Variants in KIF16B observed in about 807,000 individuals in gnomAD.
The protein encoded by KIF16B is kinesin-like protein KIF16B.
A neutral mutation model predicts 156.3 loss-of-function variants in KIF16B; 98 were observed. That is an observed-to-expected ratio of 0.63 (90% CI 0.53 to 0.74). The LOEUF is 0.74. Among genes scored for constraint, KIF16B ranks in the 30% least tolerant of loss-of-function variants. KIF16B has a pLI of 0.00. For missense variants in KIF16B, 1,421 were observed against 1,606.5 expected (o/e 0.88, Z 1.97); for synonymous variants, 564 against 583.7 (o/e 0.97, Z 0.49).
intron 15 of KIF16B, among the ~76,000 whole-genome samples, chr20:16,422,415 C>T (rs1033709053): frequency 2.0e-5 from 3 of 152,056 alleles, no homozygotes; most frequent in Non-Finnish European, 4.4e-5. Flanking sequence ...ACCTATAACA[C>T]GGCAGGAACA....
intron 23 of KIF16B, among the ~76,000 whole-genome samples, chr20:16,346,662 C>T (rs2064240176): frequency 6.6e-6 from 1 of 152,194 alleles, no homozygotes; most frequent in South Asian, 2.1e-4. Flanking sequence ...TGTAATACCG[C>T]TTATTTCAGT....
Position 16,372,170 on chromosome 20 carries a change from T to C in KIF16B, c.3351-409A>G, listed in dbSNP as rs144379646. ...ATACAGAAAAGGATAATACAGATGATAGTTATTTCTCACATCTCAAGGTCA... is the reference window on the plus strand; with the variant it reads ...ATACAGAAAAGGATAATACAGATGACAGTTATTTCTCACATCTCAAGGTCA... On this transcript the variant is annotated intron_variant, in intron 20 of 25. Coordinates refer to ENST00000354981, the MANE Select transcript of KIF16B (RefSeq NM_024704.5). Among the ~76,000 whole-genome samples, 19 of 152,276 alleles carry C rather than the reference T, an allele frequency of 1.2e-4. 1 individual carries two copies. The East Asian group carries it at 2.9e-3, about 23-fold the overall frequency.
chr20:16,345,903 A>G (rs986316304), intron 23 of KIF16B, among the ~76,000 whole-genome samples: 2 of 152,210 alleles, frequency 1.3e-5, no homozygotes, highest in African/African-American at 4.8e-5. Context: ...TCTGCAATGT[A>G]TCCCCTCCTC....
intron 1 of KIF16B, among the ~76,000 whole-genome samples, chr20:16,554,443 C>T (rs1025494662): frequency 4.6e-5 from 7 of 152,198 alleles, no homozygotes; most frequent in South Asian, 2.1e-4. Flanking sequence ...GAGCGCTGAA[C>T]GCTCATCGGG....
chr20:16,410,176 T>C (rs188409057), intron 15 of KIF16B, among the ~76,000 whole-genome samples: 8 of 144,904 alleles, frequency 5.5e-5, no homozygotes, highest in South Asian at 2.2e-4. Flanking sequence ...GGTACATATA[T>C]ATATGTAGGT....
chr20:16,290,661 T>G (rs188980931), intron 25 of KIF16B, among the ~76,000 whole-genome samples: 1 of 152,274 alleles, frequency 6.6e-6, no homozygotes, highest in African/African-American at 2.4e-5. Flanking sequence ...CTGTGTCCCT[T>G]GGGGGAGTCA....
chr20:16,458,443 G>T (rs2067265991), intron 12 of KIF16B, among the ~76,000 whole-genome samples: 1 of 152,118 alleles, frequency 6.6e-6, no homozygotes. Context: ...CAAACAGGAA[G>T]CTGTTGCTGA....
intron 3 of KIF16B, among the ~76,000 whole-genome samples, chr20:16,521,489 G>C (rs1467060641): frequency 6.6e-6 from 1 of 151,884 alleles, no homozygotes; most frequent in East Asian, 1.9e-4. Flanking sequence ...GAAAAGGAAT[G>C]AACAGAGCCT....
intron 11 of KIF16B, among the ~76,000 whole-genome samples, chr20:16,496,930 T>C (rs956716583): frequency 6.6e-6 from 1 of 152,214 alleles, no homozygotes; most frequent in Non-Finnish European, 1.5e-5. Context: ...CCAATTCTTT[T>C]TCAATCTGTC....
chr20:16,297,238 C>T (rs2063401352), intron 25 of KIF16B, among the ~76,000 whole-genome samples: 1 of 152,176 alleles, frequency 6.6e-6, no homozygotes, highest in Admixed American at 6.5e-5. Context: ...CCCATCATTG[C>T]TTATTGCTTG....
At chr20:16,366,726 G>A in intron 22 of KIF16B, 2 of 469,024 alleles carry the variant, frequency 4.3e-6, no homozygotes, top group Non-Finnish European at 5.6e-6. Context: ...AACCAAGGAT[G>A]TCAATGAAGG....
At chr20:16,526,852 G>A (rs908554611) in intron 2 of KIF16B, among the ~76,000 whole-genome samples, 1 of 152,074 alleles carries the variant, frequency 6.6e-6, no homozygotes. Context: ...TAACTTCAAT[G>A]AGCACCACGT....
At chr20:16,434,337 CGCAAG>C (rs2066584998) in intron 12 of KIF16B, among the ~76,000 whole-genome samples, 1 of 152,130 alleles carries the variant, frequency 6.6e-6, no homozygotes, top group African/African-American at 2.4e-5. Context: ...CGGCTCAATG[CGCAAG>C]GCCCGTGTAA....
In KIF16B at chr20:16,374,922, T is replaced by C. The variant is rs546228346; in HGVS notation, c.3198-513A>G. 1.3e-4 allele frequency among the ~76,000 whole-genome samples: 20 copies of C among 152,250 alleles called. No individual in the cohort carries two copies. The East Asian group carries it at 2.7e-3, about 21-fold the overall frequency. On this transcript the variant is annotated intron_variant, in intron 19 of 25. Coordinates refer to ENST00000354981, the MANE Select transcript of KIF16B (RefSeq NM_024704.5). ...ATTTGGAGATGACGGCAGAAGATTA[T>C]CTAAGTGCAGAAAGCAATACGAGCA...
chr20:16,540,579 T>C (rs908215327), intron 1 of KIF16B, among the ~76,000 whole-genome samples: 3 of 152,124 alleles, frequency 2.0e-5, no homozygotes, highest in East Asian at 1.9e-4. Flanking sequence ...CACCTTCCCA[T>C]GGTACTGAGT....
intron 24 of KIF16B, among the ~76,000 whole-genome samples, chr20:16,330,937 C>T (rs1221989953): frequency 1.3e-5 from 2 of 152,248 alleles, no homozygotes; most frequent in Non-Finnish European, 2.9e-5. Context: ...CGTTAGCTAT[C>T]ACCTGGAGAA....
chr20:16,360,212 T>C (rs1405123541), intron 22 of KIF16B, among the ~76,000 whole-genome samples: 1 of 152,208 alleles, frequency 6.6e-6, no homozygotes, highest in Non-Finnish European at 1.5e-5. Context: ...TAAAAAATTC[T>C]TGACACTCTC....
chr20:16,278,991 G>A (rs1175470666), intron 25 of KIF16B, among the ~76,000 whole-genome samples: 1 of 152,108 alleles, frequency 6.6e-6, no homozygotes, highest in Non-Finnish European at 1.5e-5. Flanking sequence ...TACAAACACG[G>A]GGAAGGTCCT....
intron 12 of KIF16B, among the ~76,000 whole-genome samples, chr20:16,474,537 C>A (rs1054634811): frequency 2.0e-5 from 3 of 152,158 alleles, no homozygotes; most frequent in Non-Finnish European, 4.4e-5. Flanking sequence ...GCCTTCCTTG[C>A]AAGCAAGAAG....
Sources: gnomAD v4.1 joint callset for allele counts (sites outside exome capture counted in the v4.1 genomes callset) on GRCh38, gnomAD v4.1.1 for gene constraint, MANE v1.5 for transcripts, NCBI Gene and HGNC (gene_info 2026-07-23, HGNC 2026-07-21) for gene names.